The following COL24A1 variants were observed in gnomAD, a reference collection of about 807,000 sequenced individuals.
COL24A1 encodes collagen alpha-1(XXIV) chain.
A neutral mutation model predicts 253.9 loss-of-function variants in COL24A1; 224 were observed. The ratio of observed to expected loss-of-function variants is 0.88; its 90% confidence interval spans 0.79 to 0.99. COL24A1 has a LOEUF of 0.99. Among genes scored for constraint, COL24A1 ranks in the 50% least tolerant of loss-of-function variants. The pLI is 0.00. For synonymous variants in COL24A1, 685 were observed against 673.7 expected (o/e 1.02, Z -0.26); for missense variants, 2,131 against 2,068.5 (o/e 1.03, Z -0.59).
chr1:86,135,218 C>G (rs1290565883), intron 2 of COL24A1, among the ~76,000 whole-genome samples: 1 of 152,010 alleles, frequency 6.6e-6, no homozygotes, highest in Non-Finnish European at 1.5e-5. Flanking sequence ...CTTCCTCCAT[C>G]CCTTTATTTT....
chr1:85,947,074 A>C (rs1689395257), intron 24 of COL24A1, among the ~76,000 whole-genome samples: 1 of 152,230 alleles, frequency 6.6e-6, no homozygotes, highest in Non-Finnish European at 1.5e-5. Context: ...CTTAATAAGT[A>C]TTAGTCCCAA....
chr1:85,797,703 A>G (rs1380596315), intron 47 of COL24A1, among the ~76,000 whole-genome samples: 1 of 152,186 alleles, frequency 6.6e-6, no homozygotes, highest in Non-Finnish European at 1.5e-5. Flanking sequence ...AGCTGTCTCT[A>G]CTTCATGGAG....
intron 35 of COL24A1, 71 bp downstream of exon 35, chr1:85,874,578 T>C (rs376564147): frequency 2.0e-4 from 273 of 1,383,506 alleles, no homozygotes; most frequent in Non-Finnish European, 2.4e-4. Flanking sequence ...TTTGAGTGTT[T>C]CGAATAATAA....
intron 57 of COL24A1, 73 bp from the exon 58 acceptor site, chr1:85,737,578 T>TTGA: frequency 2.6e-5 from 26 of 1,010,708 alleles, no homozygotes; most frequent in Non-Finnish European, 3.6e-5. Flanking sequence ...TTTTTTTTTT[T>TTGA]GAGAGAGAGA....
At chr1:85,893,526 G>A (rs1300231645) in intron 31 of COL24A1, among the ~76,000 whole-genome samples, 2 of 152,030 alleles carry the variant, frequency 1.3e-5, no homozygotes, top group East Asian at 3.9e-4. Context: ...ATATTATTTA[G>A]AGAACCTAAA....
chr1:85,999,073 CT>C (rs1204183672), intron 19 of COL24A1, among the ~76,000 whole-genome samples: 3 of 152,164 alleles, frequency 2.0e-5, no homozygotes, highest in Non-Finnish European at 2.9e-5. Flanking sequence ...AGAGACATAG[CT>C]TTCTGGAGGA....
chr1:85,838,323 T>C (rs901334085), intron 43 of COL24A1, among the ~76,000 whole-genome samples: 3 of 152,184 alleles, frequency 2.0e-5, no homozygotes, highest in Non-Finnish European at 4.4e-5. Flanking sequence ...GTGATTGTTC[T>C]AGATCTATTT....
chr1:85,877,004 A>T, intron 33 of COL24A1, 118 bp downstream of exon 33: 1 of 644,828 alleles, frequency 1.6e-6, no homozygotes, highest in African/African-American at 1.9e-5. Context: ...TTTTTTTCTG[A>T]ATATGAAACA....
chr1:86,105,959 T>C lies in COL24A1; in HGVS notation c.1599+6608A>G, dbSNP rs371429112. ...TTCTGTGTCTTCCCTCTGTCCACTC[T>C]CAGTGCCCTTTCTCTACAGATCTGT... On this transcript the variant is annotated intron_variant, in intron 5 of 59. Coordinates refer to ENST00000370571, the MANE Select transcript of COL24A1 (RefSeq NM_152890.7). Among the ~76,000 whole-genome samples the C allele has an allele frequency of 4.5e-4, 69 of 152,284 alleles. 1 individual carries two copies. Among genetic ancestry groups the C allele is most frequent in the African/African-American group, 1.6e-3 (68 of 41,560 alleles).
At chr1:86,143,434 G>C (rs1389816231) in intron 2 of COL24A1, among the ~76,000 whole-genome samples, 3 of 151,986 alleles carry the variant, frequency 2.0e-5, no homozygotes, top group Non-Finnish European at 4.4e-5. Context: ...AGGCAATCTT[G>C]TTAATTCACA....
chr1:85,746,540 T>A (rs1288553175), intron 55 of COL24A1, among the ~76,000 whole-genome samples: 10 of 152,112 alleles, frequency 6.6e-5, no homozygotes, highest in Admixed American at 6.6e-4. Flanking sequence ...TAATTACCAA[T>A]TGAGATACAT....
At chr1:85,745,043 A>T (rs755046516) in intron 56 of COL24A1, among the ~76,000 whole-genome samples, 8 of 152,086 alleles carry the variant, frequency 5.3e-5, no homozygotes, top group South Asian at 2.1e-4. Context: ...TTTAGTTTTC[A>T]AGCTAACATA....
chr1:85,942,730 A>T (rs1688866983), intron 24 of COL24A1, among the ~76,000 whole-genome samples: 1 of 152,198 alleles, frequency 6.6e-6, no homozygotes, highest in Non-Finnish European at 1.5e-5. Context: ...AGACACCTGG[A>T]GAAGGGATTA....
At chr1:85,883,368 T>G (rs1032113699) in intron 32 of COL24A1, among the ~76,000 whole-genome samples, 1 of 151,346 alleles carries the variant, frequency 6.6e-6, no homozygotes, top group African/African-American at 2.4e-5. Context: ...TACAGGAGAG[T>G]CCCACCATGT....
rs1672550020 is a variant in COL24A1 at position 85,811,617 on chromosome 1, GT to G, written c.3951+5170del. Among the ~76,000 whole-genome samples the G allele has an allele frequency of 3.3e-5, 5 of 152,044 alleles. No homozygotes were observed. The South Asian group carries it at 1.0e-3, about 32-fold the overall frequency. ...CTAACACTTGTTATTTTCTGTTTTT[GT>G]TTGTTTGTTTATGTTTGTTTTATAA... is the stretch of plus-strand genomic sequence containing the variant. On this transcript the variant is annotated intron_variant, in intron 47 of 59. Coordinates refer to ENST00000370571, the MANE Select transcript of COL24A1 (RefSeq NM_152890.7).
At chr1:85,906,798 G>C (rs139899863) in intron 28 of COL24A1, among the ~76,000 whole-genome samples, 123 of 151,892 alleles carry the variant, frequency 8.1e-4, no homozygotes, top group African/African-American at 2.8e-3. Flanking sequence ...TTCATCTTGT[G>C]TATCTTTGTT....
At chr1:86,051,239 A>G (rs1204990467) in intron 10 of COL24A1, among the ~76,000 whole-genome samples, 2 of 152,166 alleles carry the variant, frequency 1.3e-5, no homozygotes, top group Non-Finnish European at 1.5e-5. Flanking sequence ...AAAGATGCAT[A>G]TGAAAATCAA....
At chr1:85,979,184 A>G (rs1692994997) in intron 20 of COL24A1, among the ~76,000 whole-genome samples, 1 of 152,208 alleles carries the variant, frequency 6.6e-6, no homozygotes, top group South Asian at 2.1e-4. Context: ...GGGATACGGC[A>G]AAAGCAGTAG....
chr1:86,130,678 A>G (rs1438290643), intron 2 of COL24A1, among the ~76,000 whole-genome samples: 2 of 151,778 alleles, frequency 1.3e-5, no homozygotes, highest in Non-Finnish European at 2.9e-5. Context: ...AAATATCCTT[A>G]TATTTCTTTC....
Sources: gnomAD v4.1 joint callset for allele counts (sites outside exome capture counted in the v4.1 genomes callset) on GRCh38, gnomAD v4.1.1 for gene constraint, MANE v1.5 for transcripts, NCBI Gene and HGNC (gene_info 2026-07-23, HGNC 2026-07-21) for gene names.